The following PPP4R2 variants were observed in gnomAD, a reference collection of about 807,000 sequenced individuals.
PPP4R2 encodes the protein protein phosphatase 4 regulatory subunit 2, also known as serine/threonine-protein phosphatase 4 regulatory subunit 2.
In PPP4R2, 13 loss-of-function variants were observed where a neutral mutation model predicts 47.2. The observed-to-expected ratio is 0.28, with a 90% CI of 0.18 to 0.44. The LOEUF is 0.44. Among genes scored for constraint, PPP4R2 ranks in the 20% least tolerant of loss-of-function variants. The probability of loss-of-function intolerance (pLI) is 1.00; values close to 1 mark genes in which losing one functional copy is unlikely to be tolerated. For synonymous variants in PPP4R2, 151 were observed against 163.3 expected, an observed-to-expected ratio of 0.92 and a Z score of 0.57; for missense variants, 421 against 491.2, an observed-to-expected ratio of 0.86 and a Z score of 1.35.
intron 5 of PPP4R2, chr3:73,061,966 T>G: frequency 1.5e-6 from 1 of 672,378 alleles, no homozygotes; most frequent in South Asian, 2.1e-5. Context: ...ACTATTAAAA[T>G]GTATACATGA....
rs998980736 is a variant in PPP4R2, at chr3:73,065,863, A to G, written c.*141A>G. ...TAAAGTACTTTATGGATAATTCCTG[A>G]AAGAGTTGTACATGTAAGAACTGTG... On this transcript the variant is annotated 3_prime_UTR_variant, in exon 9 of 9. Coordinates refer to ENST00000356692, the MANE Select transcript of PPP4R2 (RefSeq NM_174907.4). 2 of 574,430 alleles carry G rather than the reference A, an allele frequency of 3.5e-6. No homozygotes were observed. Among genetic ancestry groups the G allele is most frequent in the South Asian group, 2.6e-5 (1 of 38,112 alleles). The allele number at this position is 574,430 out of a possible 1,614,324, so 35.6% of individuals were successfully genotyped here.
At chr3:73,016,503 T>TACCTGA (rs371792143) in intron 2 of PPP4R2, among the ~76,000 whole-genome samples, 33 of 152,286 alleles carry the variant, frequency 2.2e-4, no homozygotes, top group Middle Eastern at 3.4e-3. Context: ...GGAGAAAGCA[T>TACCTGA]ACCTGAAGAT....
intron 2 of PPP4R2, among the ~76,000 whole-genome samples, chr3:73,016,858 G>A (rs1334068992): frequency 3.1e-5 from 4 of 128,172 alleles, no homozygotes; most frequent in Admixed American, 9.1e-5. Context: ...TCACTCTGTC[G>A]CCCAGGCTGG....
chr3:73,006,944 T>TC (rs1701621960), intron 2 of PPP4R2, among the ~76,000 whole-genome samples: 3 of 108,104 alleles, frequency 2.8e-5, no homozygotes, highest in African/African-American at 1.2e-4. Flanking sequence ...CATCCACTTT[T>TC]TGAGTCTGTG....
At chr3:73,044,414 G>A (rs574842970) in intron 2 of PPP4R2, among the ~76,000 whole-genome samples, 4 of 152,120 alleles carry the variant, frequency 2.6e-5, no homozygotes, top group East Asian at 1.9e-4. Flanking sequence ...GTGAAACCCC[G>A]TCTCTACTAA....
chr3:73,067,306 A>G lies in PPP4R2; in HGVS notation c.*1584A>G, dbSNP rs1703017009. On this transcript the variant is annotated 3_prime_UTR_variant, in exon 9 of 9. Coordinates refer to ENST00000356692, the MANE Select transcript of PPP4R2 (RefSeq NM_174907.4). ...TGATGCAAACAGTTTCTGACACTGT[A>G]TAATATGCTTTTGGGTGATTTGGGG... is the stretch of plus-strand genomic sequence containing the variant. 1 of 152,136 alleles carries G rather than the reference A, an allele frequency of 6.6e-6. No individual in the cohort carries two copies. The highest frequency in any genetic ancestry group is 2.4e-5 in the African/African-American group (1 of 41,448). 9.4% of individuals were successfully genotyped at this position (152,136 alleles called of 1,614,324 possible).
chr3:73,041,368 A>T (rs1341333870), intron 2 of PPP4R2, among the ~76,000 whole-genome samples: 2 of 152,072 alleles, frequency 1.3e-5, no homozygotes, highest in Non-Finnish European at 2.9e-5. Flanking sequence ...TATGTAAGCA[A>T]CTCAGTGTTT....
intron 2 of PPP4R2, among the ~76,000 whole-genome samples, chr3:73,041,926 A>G (rs1380289209): frequency 2.0e-5 from 3 of 152,348 alleles, no homozygotes; most frequent in East Asian, 3.9e-4. Context: ...CCTATGGAGA[A>G]AAAAGGTCAA....
chr3:73,033,979 T>C (rs930831193), intron 2 of PPP4R2, among the ~76,000 whole-genome samples: 1 of 152,228 alleles, frequency 6.6e-6, no homozygotes, highest in African/African-American at 2.4e-5. Flanking sequence ...TTCGAGGAAC[T>C]GTATTCCACA....
At chr3:73,020,716 C>T (rs1701943589) in intron 2 of PPP4R2, among the ~76,000 whole-genome samples, 1 of 146,764 alleles carries the variant, frequency 6.8e-6, no homozygotes, top group South Asian at 2.2e-4. Context: ...TTTGTAGAGA[C>T]AGGGTGTTGC....
At chr3:73,039,793 C>G (rs1702339815) in intron 2 of PPP4R2, among the ~76,000 whole-genome samples, 1 of 152,172 alleles carries the variant, frequency 6.6e-6, no homozygotes. Flanking sequence ...TGGCTCACGT[C>G]TGTAATCCCA....
intron 1 of PPP4R2, 69 bp from the exon 2 acceptor site, chr3:72,998,008 A>G (rs189632362): frequency 2.6e-5 from 27 of 1,029,848 alleles, no homozygotes; most frequent in Admixed American, 2.5e-4. Context: ...GTAAAGGACT[A>G]GGAGGAAAGT....
chr3:73,045,338 C>T (rs983562392), intron 2 of PPP4R2, among the ~76,000 whole-genome samples: 2 of 152,004 alleles, frequency 1.3e-5, no homozygotes, highest in Non-Finnish European at 2.9e-5. Flanking sequence ...TGGTTGCCTT[C>T]AGAATATTTT....
chr3:73,004,326 C>A (rs1246388484), intron 2 of PPP4R2, among the ~76,000 whole-genome samples: 2 of 152,134 alleles, frequency 1.3e-5, no homozygotes, highest in African/African-American at 4.8e-5. Context: ...TAGGCATGAG[C>A]CACCGTGCCT....
intron 2 of PPP4R2, among the ~76,000 whole-genome samples, chr3:73,007,258 A>G (rs983188945): frequency 2.5e-4 from 38 of 152,286 alleles, no homozygotes; most frequent in Middle Eastern, 6.8e-3. Context: ...TTGATAATGC[A>G]TATTTTGATT....
chr3:73,005,185 C>T (rs752498938), intron 2 of PPP4R2, among the ~76,000 whole-genome samples: 4 of 152,152 alleles, frequency 2.6e-5, no homozygotes, highest in Non-Finnish European at 4.4e-5. Flanking sequence ...TCGTGATCTC[C>T]CCGCCTTCGC....
At chr3:73,030,743 C>T (rs1383590267) in intron 2 of PPP4R2, among the ~76,000 whole-genome samples, 1 of 151,468 alleles carries the variant, frequency 6.6e-6, no homozygotes, top group Non-Finnish European at 1.5e-5. Context: ...CACTCTGTTG[C>T]CCAGGCCGGA....
At chr3:73,020,672 T>TTAAAAAAAAAA (rs59905202) in intron 2 of PPP4R2, among the ~76,000 whole-genome samples, 7 of 133,194 alleles carry the variant, frequency 5.3e-5, no homozygotes, top group African/African-American at 2.0e-4. Flanking sequence ...CCTGTCTCTT[T>TTAAAAAAAAAA]AAAAAAAAAA....
At chr3:73,022,705 T>C (rs13074963) in intron 2 of PPP4R2, among the ~76,000 whole-genome samples, 1 of 152,008 alleles carries the variant, frequency 6.6e-6, no homozygotes, top group South Asian at 2.1e-4. Context: ...CATTTTAATA[T>C]CTCTGAAATT....
Sources: gnomAD v4.1 joint callset for allele counts (sites outside exome capture counted in the v4.1 genomes callset) on GRCh38, gnomAD v4.1.1 for gene constraint, MANE v1.5 for transcripts, NCBI Gene and HGNC (gene_info 2026-07-23, HGNC 2026-07-21) for gene names.